PPP1R9A: variants seen among roughly 807,000 people sequenced by gnomAD.
PPP1R9A encodes protein phosphatase 1 regulatory subunit 9A, also known as neurabin-1.
In PPP1R9A, 59 loss-of-function variants were observed where a neutral mutation model predicts 141.9. The ratio of observed to expected loss-of-function variants is 0.42; its 90% CI spans 0.34 to 0.52. The LOEUF (loss-of-function observed/expected upper bound fraction) is 0.52, where lower values mean the gene tolerates loss of function less well. Ranked by LOEUF, PPP1R9A falls within the 20% of genes least tolerant of loss-of-function variation. PPP1R9A has a pLI of 0.10. For synonymous variants in PPP1R9A, 500 were observed against 569.7 expected, an observed-to-expected ratio of 0.88 and a Z score of 1.74; for missense variants, 1,444 against 1,611.9, an observed-to-expected ratio of 0.90 and a Z score of 1.78.
chr7:94,917,435 C>A (rs1270800881), intron 2 of PPP1R9A, among the ~76,000 whole-genome samples: 1 of 152,030 alleles, frequency 6.6e-6, no homozygotes, highest in East Asian at 1.9e-4. Flanking sequence ...GAGACAAGGT[C>A]TTGCTCTGTC....
intron 7 of PPP1R9A, 43 bp downstream of exon 7, chr7:95,203,773 GC>G: frequency 7.5e-7 from 1 of 1,333,552 alleles, no homozygotes; most frequent in Non-Finnish European, 1.0e-6. Context: ...GTACTTTCCT[GC>G]TTCATATGTA....
intron 2 of PPP1R9A, among the ~76,000 whole-genome samples, chr7:94,982,978 C>A (rs562068852): frequency 1.5e-4 from 23 of 152,174 alleles, no homozygotes; most frequent in Admixed American, 2.6e-4. Flanking sequence ...TTTAATCCAT[C>A]TTGAATTAAT....
At chr7:95,140,293 A>G (rs1408852308) in intron 4 of PPP1R9A, among the ~76,000 whole-genome samples, 1 of 152,228 alleles carries the variant, frequency 6.6e-6, no homozygotes, top group African/African-American at 2.4e-5. Flanking sequence ...CTCTAACCAC[A>G]TGGATCAAGT....
chr7:95,211,606 A>G (rs1394530436), intron 7 of PPP1R9A, among the ~76,000 whole-genome samples: 2 of 152,122 alleles, frequency 1.3e-5, no homozygotes, highest in East Asian at 3.9e-4. Context: ...TTGATGAAAC[A>G]TGTTATATTT....
chr7:95,038,922 G>A (rs775438016), intron 2 of PPP1R9A, among the ~76,000 whole-genome samples: 1 of 152,048 alleles, frequency 6.6e-6, no homozygotes, highest in Non-Finnish European at 1.5e-5. Flanking sequence ...GAAAACAAGG[G>A]CACTGCAGAA....
intron 4 of PPP1R9A, among the ~76,000 whole-genome samples, chr7:95,152,392 A>G (rs940998799): frequency 5.9e-5 from 9 of 152,184 alleles, no homozygotes; most frequent in Admixed American, 3.3e-4. Context: ...AGATCCATGC[A>G]TTCTTCTTTC....
chr7:94,948,162 T>C (rs1796091132), intron 2 of PPP1R9A, among the ~76,000 whole-genome samples: 1 of 152,038 alleles, frequency 6.6e-6, no homozygotes, highest in Non-Finnish European at 1.5e-5. Context: ...AATATATTGG[T>C]ATATATTATA....
At chr7:94,946,024 G>T (rs1795857411) in intron 2 of PPP1R9A, among the ~76,000 whole-genome samples, 1 of 152,050 alleles carries the variant, frequency 6.6e-6, no homozygotes, top group African/African-American at 2.4e-5. Context: ...TGATTAGAAA[G>T]ATTTGAAAAT....
At chr7:95,096,228 TTGGCAAAGGAAGGGCTTTTGTTGC>T (rs1266974229) in intron 2 of PPP1R9A, among the ~76,000 whole-genome samples, 2 of 152,166 alleles carry the variant, frequency 1.3e-5, no homozygotes, top group Non-Finnish European at 2.9e-5. Context: ...TAACATGTAT[TTGGCAAAGGAAGGGCTTTTGTTGC>T]TGTCATTCTC....
At chr7:95,219,386 C>T (rs1794060869) in intron 7 of PPP1R9A, among the ~76,000 whole-genome samples, 1 of 152,156 alleles carries the variant, frequency 6.6e-6, no homozygotes, top group Non-Finnish European at 1.5e-5. Flanking sequence ...ATGTTTCTCT[C>T]TGGCTGCCCT....
intron 2 of PPP1R9A, among the ~76,000 whole-genome samples, chr7:95,029,232 G>T (rs1352112315): frequency 6.6e-6 from 1 of 152,134 alleles, no homozygotes; most frequent in Non-Finnish European, 1.5e-5. Context: ...TGTTTTATGG[G>T]AGGCCAAGCT....
chr7:94,911,561 C>G, intron 2 of PPP1R9A, 53 bp downstream of exon 2: 1 of 1,384,662 alleles, frequency 7.2e-7, no homozygotes, highest in South Asian at 1.3e-5. Flanking sequence ...GTACTAGGGC[C>G]TAATTGTATG....
At chr7:95,283,120 A>G (rs1804591766) in intron 16 of PPP1R9A, among the ~76,000 whole-genome samples, 2 of 152,200 alleles carry the variant, frequency 1.3e-5, no homozygotes, top group Non-Finnish European at 2.9e-5. Flanking sequence ...CAAGATGCAC[A>G]TAAACTGCTG....
At chr7:95,135,315 G>T (rs1175479024) in intron 4 of PPP1R9A, among the ~76,000 whole-genome samples, 1 of 152,116 alleles carries the variant, frequency 6.6e-6, no homozygotes, top group Non-Finnish European at 1.5e-5. Flanking sequence ...AATTACTTTT[G>T]CTAAATTACT....
chr7:95,048,329 ATACT>A (rs534647756), intron 2 of PPP1R9A, among the ~76,000 whole-genome samples: 123 of 152,324 alleles, frequency 8.1e-4, no homozygotes, highest in African/African-American at 2.9e-3. Context: ...GGATCAGATC[ATACT>A]TAGCCTCAAA....
intron 5 of PPP1R9A, among the ~76,000 whole-genome samples, chr7:95,168,300 C>T (rs1012273404): frequency 2.0e-5 from 3 of 151,920 alleles, no homozygotes; most frequent in Non-Finnish European, 4.4e-5. Context: ...GGAAAGGGCA[C>T]CCTCTTCAAT....
At chr7:95,256,420 C>T (rs903896945) in intron 12 of PPP1R9A, among the ~76,000 whole-genome samples, 11 of 151,882 alleles carry the variant, frequency 7.2e-5, no homozygotes, top group African/African-American at 2.7e-4. Context: ...AGTTTAATAC[C>T]TTTTCAAGTT....
intron 5 of PPP1R9A, among the ~76,000 whole-genome samples, chr7:95,195,371 C>T (rs1836102412): frequency 6.6e-6 from 1 of 150,384 alleles, no homozygotes; most frequent in South Asian, 2.1e-4. Flanking sequence ...GCCTTGACCT[C>T]CTGGGGTCAA....
chr7:95,086,212 G>A (rs2152313998), intron 2 of PPP1R9A, among the ~76,000 whole-genome samples: 1 of 152,004 alleles, frequency 6.6e-6, no homozygotes, highest in South Asian at 2.1e-4. Flanking sequence ...ATAGACTGTA[G>A]TACATATTGC....
Sources: allele counts gnomAD v4.1 joint callset (sites outside exome capture counted in the v4.1 genomes callset), GRCh38; gene constraint gnomAD v4.1.1; transcripts MANE v1.5; gene names NCBI Gene and HGNC (gene_info 2026-07-23, HGNC 2026-07-21).